NCOA1: variants seen among roughly 807,000 people sequenced by gnomAD.
The protein encoded by NCOA1 is nuclear receptor coactivator 1.
NCOA1 carries 35 observed loss-of-function variants against 150.9 expected under a neutral mutation model. The observed-to-expected ratio is 0.23, with a 90% CI of 0.18 to 0.31. The LOEUF is 0.31. Ranked by LOEUF, NCOA1 falls within the 10% of genes least tolerant of loss-of-function variation. NCOA1 has a pLI of 1.00. For synonymous variants in NCOA1, 590 were observed against 630.0 expected, an observed-to-expected ratio of 0.94 and a Z score of 0.95; for missense variants, 1,491 against 1,749.3, an observed-to-expected ratio of 0.85 and a Z score of 2.63.
intron 11 of NCOA1, 34 bp downstream of exon 11, chr2:24,697,832 C>T (rs781690531): frequency 3.8e-6 from 6 of 1,579,800 alleles, no homozygotes; most frequent in Non-Finnish European, 5.2e-6. Flanking sequence ...TTTCATTAAC[C>T]CTTATCTTTA....
At chr2:24,541,358 C>A (rs1665387060) in intron 1 of NCOA1, among the ~76,000 whole-genome samples, 3 of 152,022 alleles carry the variant, frequency 2.0e-5, no homozygotes, top group Admixed American at 2.0e-4. Flanking sequence ...GTCAGCAGTG[C>A]CAGATTACCA....
At chr2:24,704,514 C>T (rs765857120) in intron 11 of NCOA1, among the ~76,000 whole-genome samples, 36 of 152,266 alleles carry the variant, frequency 2.4e-4, no homozygotes, top group East Asian at 3.9e-4. Context: ...CGGTGGCTTA[C>T]GCCTGTAATC....
At chr2:24,498,398 A>G (rs887799126) in intron 1 of NCOA1, among the ~76,000 whole-genome samples, 1 of 152,230 alleles carries the variant, frequency 6.6e-6, no homozygotes, top group African/African-American at 2.4e-5. Context: ...CAAACATACA[A>G]ATACCTATAA....
chr2:24,658,369 AT>A (rs2148491231), intron 4 of NCOA1, among the ~76,000 whole-genome samples: 1 of 152,312 alleles, frequency 6.6e-6, no homozygotes, highest in East Asian at 1.9e-4. Context: ...GGAAAAAAAA[AT>A]CTCAGTATCT....
At chr2:24,499,848 C>T (rs76439279) in intron 1 of NCOA1, among the ~76,000 whole-genome samples, 2,049 of 152,320 alleles carry the variant, frequency 0.013, 49 homozygotes, top group African/African-American at 0.047. Context: ...CAACGTTACT[C>T]GTTACACGGA....
chr2:24,684,277 T>G (rs1461731609), intron 8 of NCOA1, among the ~76,000 whole-genome samples: 3 of 152,210 alleles, frequency 2.0e-5, no homozygotes, highest in African/African-American at 7.2e-5. Context: ...TAATTTAATT[T>G]TAGTCTCATG....
intron 22 of NCOA1, 39 bp downstream of exon 22, chr2:24,762,815 A>C: frequency 1.3e-6 from 2 of 1,535,538 alleles, no homozygotes; most frequent in South Asian, 2.2e-5. Flanking sequence ...TGTCAAATGT[A>C]CTCTAGATGC....
chr2:24,594,288 A>G (rs1196109335), intron 3 of NCOA1, among the ~76,000 whole-genome samples: 1 of 152,178 alleles, frequency 6.6e-6, no homozygotes, highest in African/African-American at 2.4e-5. Context: ...TACTGAAAAA[A>G]ACTTTAAGAA....
intron 1 of NCOA1, among the ~76,000 whole-genome samples, chr2:24,523,941 A>G (rs1446623609): frequency 2.7e-5 from 4 of 147,380 alleles, no homozygotes; most frequent in African/African-American, 7.7e-5. Flanking sequence ...AAAAAAAAAA[A>G]AAAAAAAAAA....
intron 1 of NCOA1, among the ~76,000 whole-genome samples, chr2:24,540,017 C>T (rs186700211): frequency 2.0e-5 from 3 of 152,240 alleles, no homozygotes; most frequent in Admixed American, 6.5e-5. Flanking sequence ...GTCTAGAAGA[C>T]GAAGGACTGA....
chr2:24,536,403 C>G (rs371400869), intron 1 of NCOA1, among the ~76,000 whole-genome samples: 1 of 152,144 alleles, frequency 6.6e-6, no homozygotes, highest in African/African-American at 2.4e-5. Flanking sequence ...GAACATGCTC[C>G]TTTAGCTCGG....
At chr2:24,655,816 T>TGC (rs1670914776) in intron 4 of NCOA1, among the ~76,000 whole-genome samples, 23 of 152,008 alleles carry the variant, frequency 1.5e-4, no homozygotes, top group Admixed American at 1.5e-3. Context: ...TGGCCGGGCA[T>TGC]GGTGGCTCAC....
intron 2 of NCOA1, among the ~76,000 whole-genome samples, chr2:24,583,376 C>T (rs1229775291): frequency 6.6e-6 from 1 of 151,948 alleles, no homozygotes; most frequent in Non-Finnish European, 1.5e-5. Flanking sequence ...CTCAGAATGG[C>T]TATTATCAAC....
intron 3 of NCOA1, among the ~76,000 whole-genome samples, chr2:24,589,841 A>G (rs1375165379): frequency 2.6e-5 from 4 of 152,110 alleles, no homozygotes; most frequent in Admixed American, 6.5e-5. Flanking sequence ...TGATGATGGG[A>G]GTATTGGTCA....
At chr2:24,576,145 C>CTTTTT (rs1666945159) in intron 2 of NCOA1, among the ~76,000 whole-genome samples, 1 of 101,036 alleles carries the variant, frequency 9.9e-6, no homozygotes, top group Non-Finnish European at 1.9e-5. Context: ...ATTATTTGGC[C>CTTTTT]TTTGTTTTTT....
At chr2:24,758,301 A>G (rs1278377534) in intron 21 of NCOA1, 145 bp downstream of exon 21, 1 of 677,424 alleles carries the variant, frequency 1.5e-6, no homozygotes. Context: ...GGCTCTTAAG[A>G]TATACAATGA....
intron 3 of NCOA1, among the ~76,000 whole-genome samples, chr2:24,601,227 GTT>G (rs1668099924): frequency 6.6e-6 from 1 of 151,074 alleles, no homozygotes. Context: ...TTTTTTGTTT[GTT>G]TTTGATAGAA....
chr2:24,768,858 C>T lies in NCOA1; in HGVS notation c.*467C>T. On this transcript the variant is annotated 3_prime_UTR_variant, in exon 23 of 23. Coordinates refer to ENST00000348332, the MANE Select transcript of NCOA1 (RefSeq NM_003743.5). The stretch of plus-strand genomic sequence containing the variant: ...AGGCTGTCATGTGTCTCGAAATCAG[C>T]AGCCCTCCCCATCCCAATCCCAGGC... The T allele has an allele frequency of 4.5e-6, 1 of 223,616 alleles. No homozygotes were observed. The highest frequency in any genetic ancestry group is 8.9e-6 in the Non-Finnish European group (1 of 111,736). 13.9% of individuals were successfully genotyped at this position (223,616 alleles called of 1,614,324 possible).
At chr2:24,511,200 A>G (rs1663921851) in intron 1 of NCOA1, among the ~76,000 whole-genome samples, 1 of 152,174 alleles carries the variant, frequency 6.6e-6, no homozygotes, top group South Asian at 2.1e-4. Context: ...ATGGCCAAAT[A>G]ATGTCCCACT....
Sources: gnomAD v4.1 joint callset for allele counts (sites outside exome capture counted in the v4.1 genomes callset) on GRCh38, gnomAD v4.1.1 for gene constraint, MANE v1.5 for transcripts, NCBI Gene and HGNC (gene_info 2026-07-23, HGNC 2026-07-21) for gene names.